Variants in SLC4A8 observed in about 807,000 individuals in gnomAD.
SLC4A8 encodes the protein electroneutral sodium bicarbonate exchanger 1.
A neutral mutation model predicts 125.0 loss-of-function variants in SLC4A8; 40 were observed. That is an observed-to-expected ratio of 0.32 (90% confidence interval 0.25 to 0.42). The LOEUF (loss-of-function observed/expected upper bound fraction) is 0.42, where lower values mean the gene tolerates loss of function less well. Ranked by LOEUF, SLC4A8 falls within the 10% of genes least tolerant of loss-of-function variation. The pLI is 1.00. For synonymous variants in SLC4A8, 456 were observed against 476.0 expected (o/e 0.96, Z 0.55); for missense variants, 863 against 1,355.1 (o/e 0.64, Z 5.70).
rs369538250 is a variant in SLC4A8, at chr12:51,446,969, A to G, written c.131-3907A>G. On this transcript the variant is annotated intron_variant, in intron 2 of 24. Coordinates refer to ENST00000453097, the MANE Select transcript of SLC4A8 (RefSeq NM_001039960.3). ...ATAAGAGAGATAGCTGCTTAACTTTAACGCAAAATAGAAAAATAAGTACAT... is the reference window on the plus strand; with the variant it reads ...ATAAGAGAGATAGCTGCTTAACTTTGACGCAAAATAGAAAAATAAGTACAT... 7.0e-4 allele frequency among the ~76,000 whole-genome samples: 107 copies of G among 152,338 alleles called. 1 individual carries two copies. The South Asian group carries it at 0.021, about 30-fold the overall frequency.
intron 1 of SLC4A8, among the ~76,000 whole-genome samples, chr12:51,419,542 G>A (rs1948744825): frequency 6.6e-6 from 1 of 152,188 alleles, no homozygotes; most frequent in South Asian, 2.1e-4. Context: ...AGTAGTCCTT[G>A]GTTAACACCT....
At chr12:51,474,624 A>G (rs1950807691) in intron 15 of SLC4A8, 177 bp downstream of exon 15, 1 of 1,161,024 alleles carries the variant, frequency 8.6e-7, no homozygotes, top group Non-Finnish European at 1.2e-6. Flanking sequence ...CTTGTATGTT[A>G]AGGGAGAAGA....
chr12:51,477,896 C>G (rs1180858659), intron 16 of SLC4A8, among the ~76,000 whole-genome samples: 1 of 152,094 alleles, frequency 6.6e-6, no homozygotes, highest in Admixed American at 6.6e-5. Context: ...TAAGGGAGGC[C>G]GAGGTAGGTG....
At chr12:51,412,161 A>G (rs1298435057) in intron 1 of SLC4A8, among the ~76,000 whole-genome samples, 1 of 152,184 alleles carries the variant, frequency 6.6e-6, no homozygotes, top group Non-Finnish European at 1.5e-5. Context: ...TTTTGGCCTA[A>G]TAATCAATTT....
At chr12:51,471,193 C>CA (rs1222122376) in intron 13 of SLC4A8, 94 bp from the exon 14 acceptor site, 1 of 1,201,266 alleles carries the variant, frequency 8.3e-7, no homozygotes, top group Admixed American at 2.0e-5. Context: ...GGTTCCAGTG[C>CA]TTGTTTAGAT....
At chr12:51,464,785 T>G (rs974714651) in intron 11 of SLC4A8, among the ~76,000 whole-genome samples, 4 of 152,226 alleles carry the variant, frequency 2.6e-5, no homozygotes, top group African/African-American at 9.7e-5. Flanking sequence ...CAGTGGAAAC[T>G]CAGAGTTGTT....
chr12:51,503,452 C>G (rs921973184), intron 22 of SLC4A8, among the ~76,000 whole-genome samples: 1 of 152,090 alleles, frequency 6.6e-6, no homozygotes, highest in Non-Finnish European at 1.5e-5. Context: ...ACTTCATGAT[C>G]TGCCCACCTC....
upstream of SLC4A8, chr12:51,424,766 C>T (rs954864897): frequency 3.9e-6 from 2 of 511,440 alleles, no homozygotes; most frequent in Non-Finnish European, 3.4e-6. Context: ...GGACAGCGTC[C>T]TCCCGTGCTC....
chr12:51,491,135 G>T (rs1237009359), intron 19 of SLC4A8, among the ~76,000 whole-genome samples: 1 of 152,098 alleles, frequency 6.6e-6, no homozygotes, highest in Non-Finnish European at 1.5e-5. Context: ...AAGATTGTAT[G>T]ATTTTTGTGA....
chr12:51,401,284 C>G lies in SLC4A8; in HGVS notation c.-112+9796C>G, dbSNP rs996604907. ...CCTTATCGCGAGGTTTTCTGTATCC[C>G]GGGTTCTTGCCTTGGTGTACCGGAA... On this transcript the variant is annotated intron_variant, in intron 1 of 24. Transcript: ENST00000358657. Among the ~76,000 whole-genome samples, 20 of 152,184 alleles carry G rather than the reference C, an allele frequency of 1.3e-4. 1 individual carries two copies. The highest frequency in any genetic ancestry group is 9.8e-4 in the Admixed American group (15 of 15,290).
At chr12:51,498,754 G>A (rs1177699681) in intron 22 of SLC4A8, among the ~76,000 whole-genome samples, 5 of 147,806 alleles carry the variant, frequency 3.4e-5, no homozygotes, top group African/African-American at 5.0e-5. Flanking sequence ...GGTGGCAGGC[G>A]CCTATAATCT....
intron 22 of SLC4A8, among the ~76,000 whole-genome samples, chr12:51,499,350 CCA>C (rs1937737615): frequency 6.6e-6 from 1 of 151,256 alleles, no homozygotes; most frequent in African/African-American, 2.4e-5. Context: ...TGTGCACCCC[CCA>C]CACACGTGAA....
At chr12:51,452,714 A>G (rs1950006528) in intron 4 of SLC4A8, among the ~76,000 whole-genome samples, 1 of 152,198 alleles carries the variant, frequency 6.6e-6, no homozygotes, top group Non-Finnish European at 1.5e-5. Context: ...CTCTGGGACA[A>G]TTCAAGCTAT....
At chr12:51,399,937 G>GCGT (rs1250672924) in intron 1 of SLC4A8, among the ~76,000 whole-genome samples, 1 of 151,596 alleles carries the variant, frequency 6.6e-6, no homozygotes, top group Admixed American at 6.6e-5. Context: ...AGCTGAGATT[G>GCGT]CGTGACTGCA....
chr12:51,445,512 G>A (rs571926306), intron 2 of SLC4A8, among the ~76,000 whole-genome samples: 26 of 152,202 alleles, frequency 1.7e-4, no homozygotes. Flanking sequence ...ACAGCACATA[G>A]ATTCTTCATG....
intron 11 of SLC4A8, among the ~76,000 whole-genome samples, chr12:51,464,159 T>C (rs1053047950): frequency 5.3e-5 from 8 of 152,200 alleles, no homozygotes; most frequent in African/African-American, 1.2e-4. Flanking sequence ...TACTTCATTA[T>C]TATTGGTTGA....
chr12:51,487,024 G>C (rs889920898), intron 17 of SLC4A8, among the ~76,000 whole-genome samples: 3 of 152,274 alleles, frequency 2.0e-5, no homozygotes, highest in Admixed American at 2.0e-4. Flanking sequence ...CTAAAAATAG[G>C]TAATATGGGA....
chr12:51,453,840 T>A, intron 5 of SLC4A8, 141 bp downstream of exon 5: 1 of 530,378 alleles, frequency 1.9e-6, no homozygotes, highest in Non-Finnish European at 3.2e-6. Flanking sequence ...TCAATGTCCT[T>A]GGCTGTGGGA....
intron 24 of SLC4A8, among the ~76,000 whole-genome samples, chr12:51,506,708 A>G (rs1325737454): frequency 5.9e-5 from 9 of 152,260 alleles, no homozygotes; most frequent in African/African-American, 1.9e-4. Context: ...TGCTGGGATT[A>G]CAGGCGTGGG....
Sources: allele counts gnomAD v4.1 joint callset (sites outside exome capture counted in the v4.1 genomes callset), GRCh38; gene constraint gnomAD v4.1.1; transcripts MANE v1.5; gene names NCBI Gene and HGNC (gene_info 2026-07-23, HGNC 2026-07-21).